The following SLCO5A1 variants were observed in gnomAD, a reference collection of about 807,000 sequenced individuals.
The protein encoded by SLCO5A1 is solute carrier organic anion transporter family member 5A1.
SLCO5A1 carries 39 observed loss-of-function variants against 65.1 expected under a neutral mutation model. The observed-to-expected ratio is 0.60, with a 90% CI of 0.46 to 0.78. SLCO5A1 has a LOEUF of 0.78. SLCO5A1 is among the 30% of genes least tolerant of loss of function. The pLI is 0.00. For missense variants in SLCO5A1, 1,029 were observed against 1,069.4 expected (o/e 0.96, Z 0.53); for synonymous variants, 438 against 415.7 (o/e 1.05, Z -0.65).
intron 5 of SLCO5A1, among the ~76,000 whole-genome samples, chr8:69,722,146 G>T (rs1396958793): frequency 6.6e-6 from 1 of 152,064 alleles, no homozygotes; most frequent in Admixed American, 6.6e-5. Flanking sequence ...TCTGCAGCCT[G>T]GGTGACAGAG....
chr8:69,825,811 C>T (rs1156625345), intron 2 of SLCO5A1, among the ~76,000 whole-genome samples: 3 of 152,102 alleles, frequency 2.0e-5, no homozygotes, highest in Non-Finnish European at 4.4e-5. Context: ...AAAAAGAGCC[C>T]ACATTGCCAA....
chr8:69,731,984 C>G (rs1025641051), intron 5 of SLCO5A1, among the ~76,000 whole-genome samples: 12 of 152,146 alleles, frequency 7.9e-5, no homozygotes, highest in Admixed American at 2.6e-4. Context: ...TATACATTTA[C>G]AAAACTAGTA....
chr8:69,807,508 C>A (rs1249049549), intron 2 of SLCO5A1, among the ~76,000 whole-genome samples: 2 of 152,154 alleles, frequency 1.3e-5, no homozygotes, highest in African/African-American at 2.4e-5. Context: ...TTTCCCCATC[C>A]ACTTCTGGCC....
At chr8:69,756,571 C>CA (rs1211584820) in intron 3 of SLCO5A1, among the ~76,000 whole-genome samples, 1 of 152,090 alleles carries the variant, frequency 6.6e-6, no homozygotes, top group East Asian at 1.9e-4. Flanking sequence ...CTAAGAAATG[C>CA]AAAATGTATA....
intron 6 of SLCO5A1, among the ~76,000 whole-genome samples, chr8:69,696,046 C>T (rs1243922332): frequency 6.6e-6 from 1 of 152,174 alleles, no homozygotes. Flanking sequence ...GGAACTCATA[C>T]ATTTGTAATG....
intron 2 of SLCO5A1, among the ~76,000 whole-genome samples, chr8:69,778,225 T>TGG (rs35184786): frequency 7.0e-6 from 1 of 142,542 alleles, no homozygotes; most frequent in Non-Finnish European, 1.5e-5. Context: ...CATATATGTA[T>TGG]GGGGTGTGTG....
At chr8:69,699,237 G>GC (rs1814622113) in intron 6 of SLCO5A1, among the ~76,000 whole-genome samples, 1 of 152,174 alleles carries the variant, frequency 6.6e-6, no homozygotes, top group African/African-American at 2.4e-5. Context: ...TGGCATAAGA[G>GC]CACCACACAT....
intron 2 of SLCO5A1, among the ~76,000 whole-genome samples, chr8:69,781,520 T>C (rs562197519): frequency 6.6e-6 from 1 of 152,348 alleles, no homozygotes; most frequent in Non-Finnish European, 1.5e-5. Flanking sequence ...GAACTGTTAC[T>C]ATAAGATAAC....
At chr8:69,731,428 C>T (rs1415656003) in intron 5 of SLCO5A1, among the ~76,000 whole-genome samples, 1 of 152,192 alleles carries the variant, frequency 6.6e-6, no homozygotes, top group African/African-American at 2.4e-5. Flanking sequence ...CAATGTGTTT[C>T]TTATCATTTT....
At chr8:69,790,168 G>A (rs1239708065) in intron 2 of SLCO5A1, among the ~76,000 whole-genome samples, 1 of 148,784 alleles carries the variant, frequency 6.7e-6, no homozygotes, top group Admixed American at 6.7e-5. Flanking sequence ...CTCCAGCCTG[G>A]GCAACAGAGC....
Position 69,667,170 on chromosome 8 carries a change from T to G in SLCO5A1, c.*5699A>C, listed in dbSNP as rs1038138850. ...GATTTCATTAAACACACGGAAATTATACATCTTTTAAATTACCTTAAAAAG... is the reference window on the plus strand; with the variant it reads ...GATTTCATTAAACACACGGAAATTAGACATCTTTTAAATTACCTTAAAAAG... On this transcript the variant is annotated 3_prime_UTR_variant, in exon 10 of 10. Transcript: ENST00000260126. The G allele has an allele frequency of 6.6e-6, 1 of 152,202 alleles. No individual in the cohort carries two copies. Among genetic ancestry groups the G allele is most frequent in the East Asian group, 1.9e-4 (1 of 5,202 alleles). The allele number at this position is 152,202 out of a possible 1,614,324, so 9.4% of individuals were successfully genotyped here. A position where few individuals can be genotyped will look rare whatever the true frequency, so the allele number is the denominator to read the frequency against.
At position 69,671,018 on chromosome 8, in the gene SLCO5A1, T is replaced by G. The variant is rs1206035423; in HGVS notation, c.*1851A>C. The G allele has an allele frequency of 2.0e-5, 3 of 151,868 alleles. No homozygotes were observed. The highest frequency in any genetic ancestry group is 4.4e-5 in the Non-Finnish European group (3 of 67,960). The allele number at this position is 151,868 out of a possible 1,614,324, so 9.4% of individuals were successfully genotyped here. On this transcript the variant is annotated 3_prime_UTR_variant, in exon 10 of 10. Transcript: ENST00000260126. ...CCAATATATGCCACATTGGCCAGAG[T>G]CTGACAATTACCAGTGCAATTACAG...
chr8:69,827,494 G>A (rs890460072), intron 2 of SLCO5A1, among the ~76,000 whole-genome samples: 7 of 152,212 alleles, frequency 4.6e-5, no homozygotes, highest in African/African-American at 1.7e-4. Context: ...CTGCCAGAAT[G>A]TTAACATAGA....
At chr8:69,709,458 T>G (rs1330488909) in intron 5 of SLCO5A1, among the ~76,000 whole-genome samples, 2 of 152,350 alleles carry the variant, frequency 1.3e-5, no homozygotes, top group East Asian at 3.9e-4. Flanking sequence ...GGGTGAGTAG[T>G]AGCTTTACAA....
At chr8:69,794,991 T>C (rs1819430055) in intron 2 of SLCO5A1, among the ~76,000 whole-genome samples, 1 of 152,162 alleles carries the variant, frequency 6.6e-6, no homozygotes, top group South Asian at 2.1e-4. Context: ...ACTCAATCAC[T>C]ATCATGAGAA....
intron 8 of SLCO5A1, among the ~76,000 whole-genome samples, chr8:69,679,014 C>T (rs1269132340): frequency 6.6e-6 from 1 of 152,198 alleles, no homozygotes; most frequent in Non-Finnish European, 1.5e-5. Flanking sequence ...CAAATTACTT[C>T]CTGCCCTCCT....
chr8:69,668,520 C>T lies in SLCO5A1; in HGVS notation c.*4349G>A, dbSNP rs531127729. On this transcript the variant is annotated 3_prime_UTR_variant, in exon 10 of 10. Transcript: ENST00000260126. ...ATCTCTGATGTTTTAAGTACATACA[C>T]GATCACAAAATATAATTGGCTACCA... 16 of 152,308 alleles carry T rather than the reference C, an allele frequency of 1.1e-4. No homozygotes were observed. The highest frequency in any genetic ancestry group is 3.1e-4 in the African/African-American group (13 of 41,564). 9.4% of individuals were successfully genotyped at this position (152,308 alleles called of 1,614,324 possible). A position where few individuals can be genotyped will look rare whatever the true frequency, so the allele number is the denominator to read the frequency against.
intron 6 of SLCO5A1, among the ~76,000 whole-genome samples, chr8:69,698,114 T>G (rs1373975599): frequency 6.6e-6 from 1 of 152,202 alleles, no homozygotes; most frequent in African/African-American, 2.4e-5. Context: ...GTATTTGGTT[T>G]TCTGTTCCTG....
At chr8:69,787,374 C>T (rs1453878396) in intron 2 of SLCO5A1, among the ~76,000 whole-genome samples, 2 of 152,200 alleles carry the variant, frequency 1.3e-5, no homozygotes, top group African/African-American at 4.8e-5. Flanking sequence ...GTTTTGCAGA[C>T]AGCCCTAGTT....
Sources: allele counts gnomAD v4.1 joint callset (sites outside exome capture counted in the v4.1 genomes callset), GRCh38; gene constraint gnomAD v4.1.1; transcripts MANE v1.5; gene names NCBI Gene and HGNC (gene_info 2026-07-23, HGNC 2026-07-21).